Variants in FCSK observed in about 807,000 individuals in gnomAD.
FCSK encodes fucose kinase.
Under a neutral mutation model 122.5 loss-of-function variants are expected in FCSK, and 123 were observed. That is an observed-to-expected ratio of 1.00 (90% CI 0.87 to 1.17). The LOEUF (loss-of-function observed/expected upper bound fraction) is 1.17, where lower values mean the gene tolerates loss of function less well. Ranked by LOEUF, FCSK falls within the 50% of genes most tolerant of loss-of-function variation. The pLI, the probability that FCSK is intolerant of heterozygous loss-of-function variation, is 0.00. For synonymous variants in FCSK, 620 were observed against 625.5 expected (o/e 0.99, Z 0.13); for missense variants, 1,366 against 1,450.4 (o/e 0.94, Z 0.95).
rs772529735 is a variant in FCSK at position 70,463,729 on chromosome 16, C to G, written c.189C>G (p.Ala63=). 1 of 1,612,512 alleles carries G rather than the reference C, an allele frequency of 6.2e-7. No homozygotes were observed. The highest frequency in any genetic ancestry group is 1.7e-5 in the Admixed American group (1 of 60,006). ...RVGSGGATLN[A]LLVAAEHLSA... ...GCAGCGGAGGAGCCACCCTCAACGC[C>G]CTGCTGGTGGCTGCTGAACACCTGA... Residue 63 remains alanine (A), a synonymous_variant, in exon 3 of 24, where the codon GCC becomes GCG. Coordinates refer to ENST00000288078, the MANE Select transcript of FCSK (RefSeq NM_145059.3).
In FCSK at chr16:70,478,239, A is replaced by G. The variant is rs774368627; in HGVS notation, c.2642-33A>G. 9 of 1,607,618 alleles carry G rather than the reference A, an allele frequency of 5.6e-6. No individual in the cohort carries two copies. In the African/African-American group the frequency reaches 9.4e-5, roughly 17 times the overall value. On this transcript the variant is annotated intron_variant, in intron 20 of 23. Coordinates refer to ENST00000288078, the MANE Select transcript of FCSK (RefSeq NM_145059.3). ...CTGGGAGAGTGAAGCTGGGCCAGAT[A>G]GACTCCAACAGTGACAGTCCCTGGG...
Position 70,473,343 on chromosome 16 carries a change from G to A in FCSK, c.1767G>A (p.Thr589=), listed in dbSNP as rs1405743221. Reference sequence around the variant, plus strand: ...GCTGCCCCGGGCCCCTGCTGGCCACGCTGGACCAGGGTGAGTGTGCAGGCT... The same window carrying A: ...GCTGCCCCGGGCCCCTGCTGGCCACACTGGACCAGGGTGAGTGTGCAGGCT... ...REGCPGPLLA[T]LDQVAAGAGD... Residue 589 remains threonine (T), a synonymous_variant, in exon 15 of 24, where the codon ACG becomes ACA. Coordinates refer to ENST00000288078, the MANE Select transcript of FCSK (RefSeq NM_145059.3). This position sits in a 1 kb window ranked among gnomAD's most constrained non-coding sequence, Gnocchi z 4.9. The A allele has an allele frequency of 7.3e-6, 11 of 1,503,008 alleles. No individual in the cohort carries two copies. The South Asian group carries it at 1.0e-4, about 14-fold the overall frequency. The allele number at this position is 1,503,008 out of a possible 1,614,324, so 93.1% of individuals were successfully genotyped here. A position where few individuals can be genotyped will look rare whatever the true frequency, so the allele number is the denominator to read the frequency against.
intron 3 of FCSK, among the ~76,000 whole-genome samples, chr16:70,464,699 CAA>C (rs774838734): frequency 4.9e-4 from 26 of 52,826 alleles, no homozygotes; most frequent in Admixed American, 7.2e-4. Flanking sequence ...GACTGCATCT[CAA>C]AAAAAAAAAA....
chr16:70,468,999 T>G (rs375501356), intron 9 of FCSK, 31 bp downstream of exon 9: 1 of 1,611,194 alleles, frequency 6.2e-7, no homozygotes, highest in Non-Finnish European at 8.5e-7. Flanking sequence ...AGGTGGGGCC[T>G]GGCTTGGGGG....
intron 1 of FCSK, among the ~76,000 whole-genome samples, chr16:70,456,049 A>G (rs960295351): frequency 6.6e-6 from 1 of 151,578 alleles, no homozygotes; most frequent in African/African-American, 2.4e-5. Context: ...GGACTCATGC[A>G]TAGTCCCAGC....
chr16:70,478,022 A>G, intron 20 of FCSK: 1 of 528,178 alleles, frequency 1.9e-6, no homozygotes, highest in Non-Finnish European at 3.4e-6. Flanking sequence ...GTTTATCCCA[A>G]TTCCAATTAT....
chr16:70,467,656 G>A (rs1483282785), intron 7 of FCSK, 185 bp downstream of exon 7: 3 of 634,388 alleles, frequency 4.7e-6, no homozygotes, highest in East Asian at 2.7e-5. Flanking sequence ...ATTTCACACC[G>A]ACCGCCTGTC....
chr16:70,466,360 A>G, intron 5 of FCSK, 103 bp downstream of exon 5: 1 of 1,463,444 alleles, frequency 6.8e-7, no homozygotes, highest in Non-Finnish European at 9.3e-7. Context: ...GGGAGAAGGA[A>G]TGGTTTTGAG....
intron 4 of FCSK, 34 bp from the exon 5 acceptor site, chr16:70,466,098 A>C: frequency 1.2e-6 from 2 of 1,609,438 alleles, no homozygotes; most frequent in Non-Finnish European, 1.7e-6. Context: ...GGCTCTGTGC[A>C]CTGAGGCTTC....
chr16:70,455,087 C>T (rs1236124068), intron 1 of FCSK: 3 of 152,236 alleles, frequency 2.0e-5, no homozygotes, highest in Non-Finnish European at 4.4e-5. Flanking sequence ...TCCCAAGTAA[C>T]TTCTTTCGGT....
chr16:70,458,505 C>T (rs1392498036), intron 1 of FCSK, among the ~76,000 whole-genome samples: 2 of 151,680 alleles, frequency 1.3e-5, no homozygotes, highest in East Asian at 1.9e-4. Context: ...CTCACTCTGT[C>T]GCCCAGGCTG....
rs529271029 is a variant in FCSK at position 70,464,544 on chromosome 16, C to T, written c.235-582C>T. The stretch of plus-strand genomic sequence containing the variant: ...GCACACACCTGTAATCCCAGCTACT[C>T]GGGAGGCTGAGGCAGGAGAGTCGCT... On this transcript the variant is annotated intron_variant, in intron 3 of 23. Transcript: ENST00000288078. Among the ~76,000 whole-genome samples, 31 of 151,944 alleles carry T rather than the reference C, an allele frequency of 2.0e-4. 1 individual carries two copies. Among genetic ancestry groups the T allele is most frequent in the South Asian group, 8.3e-4 (4 of 4,804 alleles).
chr16:70,469,124 A>G (rs1235428139), intron 9 of FCSK, 28 bp from the exon 10 acceptor site: 3 of 1,613,440 alleles, frequency 1.9e-6, no homozygotes, highest in African/African-American at 2.7e-5. Context: ...TGCCATGCCA[A>G]TAGCTGTGCT....
At chr16:70,459,922 C>T (rs1424995226) in intron 1 of FCSK, among the ~76,000 whole-genome samples, 1 of 151,462 alleles carries the variant, frequency 6.6e-6, no homozygotes, top group Non-Finnish European at 1.5e-5. Context: ...CTGTCTCAGC[C>T]TCCCAAGTAG....
intron 22 of FCSK, chr16:70,478,880 A>G: frequency 1.4e-6 from 1 of 698,936 alleles, no homozygotes; most frequent in Non-Finnish European, 2.6e-6. Context: ...GGAAGCAGAG[A>G]GGGGAAGGGA....
intron 1 of FCSK, among the ~76,000 whole-genome samples, chr16:70,456,175 AAAAAC>A (rs759564537): frequency 2.0e-5 from 3 of 152,244 alleles, no homozygotes; most frequent in Non-Finnish European, 4.4e-5. Flanking sequence ...CCTGTTTCTC[AAAAAC>A]AAAACAAAAC....
intron 23 of FCSK, 82 bp downstream of exon 23, chr16:70,479,485 A>G (rs1597647062): frequency 6.8e-7 from 1 of 1,477,902 alleles, no homozygotes; most frequent in Non-Finnish European, 9.3e-7. Context: ...CAGGGGCTAT[A>G]TCTGTAAGTC....
intron 15 of FCSK, 77 bp from the exon 16 acceptor site, chr16:70,474,052 T>C (rs909100593): frequency 1.4e-6 from 2 of 1,389,708 alleles, no homozygotes; most frequent in Non-Finnish European, 2.0e-6. Flanking sequence ...ATTTAGGGAC[T>C]GTTGAGTAGC....
In FCSK at chr16:70,479,053, C is replaced by T. The variant is rs17879102; in HGVS notation, c.2930-127C>T. ...GAAGTGGGTTACTCCTGGCTCCAGC[C>T]GGCACTGGAATCCGGCTTCTTTACC... is the stretch of plus-strand genomic sequence containing the variant. On this transcript the variant is annotated intron_variant, in intron 22 of 23. Coordinates refer to ENST00000288078, the MANE Select transcript of FCSK (RefSeq NM_145059.3). The T allele has an allele frequency of 0.01, 7,563 of 756,056 alleles. 426 individuals are homozygous for T. In the African/African-American group the frequency reaches 0.12, roughly 12 times the overall value. The allele number at this position is 756,056 out of a possible 1,614,324, so 46.8% of individuals were successfully genotyped here.
Sources: gnomAD v4.1 joint callset for allele counts (sites outside exome capture counted in the v4.1 genomes callset) on GRCh38, gnomAD v4.1.1 for gene constraint, Gnocchi (gnomAD v3.1) non-coding constraint, MANE v1.5 for transcripts, NCBI Gene and HGNC (gene_info 2026-07-23, HGNC 2026-07-21) for gene names.